CPAMD8: variants seen among roughly 807,000 people sequenced by gnomAD.
The protein encoded by CPAMD8 is C3 and PZP-like alpha-2-macroglobulin domain-containing protein 8.
Under a neutral mutation model 224.7 loss-of-function variants are expected in CPAMD8, and 146 were observed. The ratio of observed to expected loss-of-function variants is 0.65; its 90% CI spans 0.57 to 0.75. CPAMD8 has a LOEUF of 0.75. CPAMD8 is among the 30% of genes least tolerant of loss of function. The pLI is 0.00. For missense variants in CPAMD8, 2,301 were observed against 2,537.5 expected (o/e 0.91, Z 2.00); for synonymous variants, 966 against 1,044.6 (o/e 0.92, Z 1.45).
At chr19:16,937,063 GCCTTCCTTCCTTCCTT>G (rs34510069) in intron 23 of CPAMD8, among the ~76,000 whole-genome samples, 2 of 132,066 alleles carry the variant, frequency 1.5e-5, no homozygotes, top group African/African-American at 2.9e-5. Flanking sequence ...CTTCCCTCCT[GCCTTCCTTCCTTCCTT>G]CCTTCCTTCC....
chr19:16,966,249 C>T (rs189498300), intron 18 of CPAMD8, among the ~76,000 whole-genome samples: 40 of 152,244 alleles, frequency 2.6e-4, no homozygotes, highest in African/African-American at 8.7e-4. Context: ...GGAATGGATT[C>T]GCTATTTAAT....
At chr19:17,023,458 CA>C (rs1452640805) in intron 1 of CPAMD8, among the ~76,000 whole-genome samples, 2 of 152,070 alleles carry the variant, frequency 1.3e-5, no homozygotes, top group Non-Finnish European at 2.9e-5. Context: ...AAAGGCACCA[CA>C]ATTGCAACCA....
chr19:16,896,674 CGAG>C lies in CPAMD8; in HGVS notation c.5066-12_5066-10del. ...CTCGCCGGGGAACCAGCCTGGGGGA[CGAG>C]GCAGGCTCGACAGACCCCCCACCCT... is the stretch of plus-strand genomic sequence containing the variant. On this transcript the variant is annotated splice_polypyrimidine_tract_variant and intron_variant, in intron 39 of 41. Coordinates refer to ENST00000443236, the MANE Select transcript of CPAMD8 (RefSeq NM_015692.5). 6.9e-7 allele frequency: 1 copy of C among 1,444,384 alleles called. No homozygotes were observed. The highest frequency in any genetic ancestry group is 9.1e-7 in the Non-Finnish European group (1 of 1,099,906). The allele number at this position is 1,444,384 out of a possible 1,614,324, so 89.5% of individuals were successfully genotyped here.
At chr19:16,905,722 A>G (rs2052451965) in intron 30 of CPAMD8, among the ~76,000 whole-genome samples, 1 of 152,032 alleles carries the variant, frequency 6.6e-6, no homozygotes, top group Admixed American at 6.6e-5. Context: ...AAGCAATGAA[A>G]ACAATTCTTC....
chr19:16,980,556 C>A lies in CPAMD8; in HGVS notation c.1526G>T (p.Ser509Ile). ...CTCCAGGGCAGGGGCCGCCCGCTTG[C>A]TTCGCTGCTGGGTGGTGTGGGCAGG... The part of the protein sequence containing the change: ...QQPAHTTQQR[S>I]KRAAPALEKP... Residue 509 changes from serine (S) to isoleucine (I), a missense_variant, in exon 14 of 42, where the codon AGC becomes ATC. Ser to Ile is a moderately radical substitution (Grantham distance 142). Coordinates refer to ENST00000443236, the MANE Select transcript of CPAMD8 (RefSeq NM_015692.5). 6.2e-7 allele frequency: 1 copy of A among 1,614,074 alleles called. No individual in the cohort carries two copies. Among genetic ancestry groups the A allele is most frequent in the Non-Finnish European group, 8.5e-7 (1 of 1,179,978 alleles).
intron 7 of CPAMD8, among the ~76,000 whole-genome samples, chr19:17,007,422 G>C (rs1404059363): frequency 6.6e-6 from 1 of 151,650 alleles, no homozygotes; most frequent in Admixed American, 6.6e-5. Flanking sequence ...AGCAGGAGGA[G>C]AGGGGGAGGA....
At position 16,938,397 on chromosome 19, in the gene CPAMD8, C is replaced by A; in HGVS notation, c.2843G>T (p.Ser948Ile). ...CAGAATGGGCACGGGGGACTCACCA[C>A]TGGGACAGAAGAATGCGCTGTAGGT... ...AYTYSAFFCP[S>I]ERVHISTPNK... The change falls in exon 23 of 42, where the codon AGT (serine) becomes ATT (isoleucine). Residue 948 changes from serine to isoleucine, a missense_variant and splice_region_variant. Ser to Ile is a moderately radical substitution (Grantham distance 142). This residue lies in a region of CPAMD8 where 1,709 missense variants were observed against 1,753.2 expected (regional missense o/e 0.97). Coordinates refer to ENST00000443236, the MANE Select transcript of CPAMD8 (RefSeq NM_015692.5). 2 of 1,554,330 alleles carry A rather than the reference C, an allele frequency of 1.3e-6. No individual in the cohort carries two copies. Among genetic ancestry groups the A allele is most frequent in the Non-Finnish European group, 1.7e-6 (2 of 1,154,104 alleles).
intron 13 of CPAMD8, among the ~76,000 whole-genome samples, chr19:16,989,104 G>C (rs1254750359): frequency 6.6e-6 from 1 of 152,164 alleles, no homozygotes; most frequent in African/African-American, 2.4e-5. Flanking sequence ...ATGGTGAGTT[G>C]TATCATTGTT....
In CPAMD8 at chr19:16,904,457, G is replaced by A; in HGVS notation, c.4114+9C>T. On this transcript the variant is annotated intron_variant, in intron 31 of 41. Coordinates refer to ENST00000443236, the MANE Select transcript of CPAMD8 (RefSeq NM_015692.5). ...AAGGCAGGCACCCGGGAGCTGGGGTGGCCAGTACCTGACTGAGAGACCCTG... is the reference window on the plus strand; with the variant it reads ...AAGGCAGGCACCCGGGAGCTGGGGTAGCCAGTACCTGACTGAGAGACCCTG... 4 of 1,613,754 alleles carry A rather than the reference G, an allele frequency of 2.5e-6. No homozygotes were observed. The highest frequency in any genetic ancestry group is 2.5e-6 in the Non-Finnish European group (3 of 1,179,634).
chr19:16,901,899 A>C (rs1399183126), intron 35 of CPAMD8, among the ~76,000 whole-genome samples: 1 of 152,076 alleles, frequency 6.6e-6, no homozygotes, highest in Non-Finnish European at 1.5e-5. Context: ...TGAGATGGGG[A>C]ACTTGGACAC....
intron 3 of CPAMD8, among the ~76,000 whole-genome samples, chr19:17,012,454 C>G (rs572367141): frequency 2.0e-4 from 31 of 151,624 alleles, no homozygotes; most frequent in Admixed American, 2.0e-4. Context: ...CGCAAGCAAT[C>G]CTCCCATCTC....
rs766258785 is a variant in CPAMD8, at chr19:16,989,657, A to G, written c.1381T>C (p.Ser461Pro). 6.2e-7 allele frequency: 1 copy of G among 1,613,208 alleles called. No individual in the cohort carries two copies. The highest frequency in any genetic ancestry group is 1.3e-5 in the African/African-American group (1 of 74,990). ...SQCYLQLQPP[S>P]HPLQVGEEAY... is the part of the protein sequence containing the mutation. ...GAAAATCTTACCTGCAGTGGGTGGG[A>G]GGGTGGCTGCAGCTGCAGGTAGCAC... Residue 461 changes from serine to proline, a missense_variant, in exon 13 of 42, where the codon TCC becomes CCC. By Grantham distance (74) the Ser-to-Pro change is moderately conservative. Around this residue, in one of 4 missense-constraint regions of CPAMD8, gnomAD observed 301 missense variants for 406.6 expected, o/e 0.74. Transcript: ENST00000443236.
chr19:16,901,958 T>A (rs1263490293), intron 35 of CPAMD8, among the ~76,000 whole-genome samples: 1 of 152,086 alleles, frequency 6.6e-6, no homozygotes, highest in Non-Finnish European at 1.5e-5. Context: ...GGGTAGCGGC[T>A]CTGATGGGCT....
At chr19:17,010,809 G>C (rs566374047) in intron 5 of CPAMD8, among the ~76,000 whole-genome samples, 19 of 152,128 alleles carry the variant, frequency 1.2e-4, no homozygotes, top group African/African-American at 4.1e-4. Context: ...TATCACCTGA[G>C]GTCAGGAGTT....
intron 12 of CPAMD8, among the ~76,000 whole-genome samples, 168 bp from the exon 13 acceptor site, chr19:16,989,939 C>T (rs1264664259): frequency 6.6e-6 from 1 of 152,140 alleles, no homozygotes; most frequent in Non-Finnish European, 1.5e-5. Flanking sequence ...TTGTCCAGCC[C>T]ATTCTTCCTA....
chr19:17,023,332 C>G (rs1373965135), intron 1 of CPAMD8, among the ~76,000 whole-genome samples: 3 of 152,080 alleles, frequency 2.0e-5, no homozygotes, highest in Non-Finnish European at 4.4e-5. Flanking sequence ...GGCCCAGGTC[C>G]TCCCCACCTG....
In CPAMD8 at chr19:16,896,172, T is replaced by A; in HGVS notation, c.5426+4A>T. ...CTTATCTCTGGGGTGGGCCCAGCTG[T>A]TACCTGTCCTCCGCCTCCCCTTCAG... On this transcript the variant is annotated splice_donor_region_variant and intron_variant, in intron 41 of 41. Transcript: ENST00000443236. 1.2e-6 allele frequency: 2 copies of A among 1,613,610 alleles called. No homozygotes were observed. The highest frequency in any genetic ancestry group is 1.7e-6 in the Non-Finnish European group (2 of 1,179,938).
intron 27 of CPAMD8, among the ~76,000 whole-genome samples, chr19:16,919,044 A>G (rs1472611983): frequency 6.6e-6 from 1 of 151,942 alleles, no homozygotes; most frequent in East Asian, 1.9e-4. Context: ...CTCTATTAAA[A>G]ATACAAAAAT....
intron 27 of CPAMD8, among the ~76,000 whole-genome samples, chr19:16,917,945 C>A (rs1360575312): frequency 1.3e-5 from 2 of 152,132 alleles, no homozygotes; most frequent in Admixed American, 1.3e-4. Flanking sequence ...CCCCGATATA[C>A]GAGTGTGTAG....
Sources: allele counts gnomAD v4.1 joint callset (sites outside exome capture counted in the v4.1 genomes callset), GRCh38; gene constraint gnomAD v4.1.1; regional missense constraint gnomAD v4.1.1; transcripts MANE v1.5; gene names NCBI Gene and HGNC (gene_info 2026-07-23, HGNC 2026-07-21).